Variants in NRG1 observed in about 807,000 individuals in gnomAD.
NRG1 encodes pro-neuregulin-1, membrane-bound isoform.
NRG1 carries 18 observed loss-of-function variants against 63.8 expected under a neutral mutation model. The observed-to-expected ratio is 0.28, with a 90% confidence interval of 0.19 to 0.42. NRG1 has a LOEUF of 0.42. Among genes scored for constraint, NRG1 ranks in the 10% least tolerant of loss-of-function variants. NRG1 has a pLI of 1.00. For missense variants in NRG1, 762 were observed against 814.7 expected, an observed-to-expected ratio of 0.94 and a Z score of 0.79; for synonymous variants, 302 against 301.3, an observed-to-expected ratio of 1.00 and a Z score of -0.02.
chr8:32,504,226 A>G (rs538594455), intron 1 of NRG1, among the ~76,000 whole-genome samples: 1 of 152,210 alleles, frequency 6.6e-6, no homozygotes, highest in African/African-American at 2.4e-5. Context: ...TTATTATTTT[A>G]GAGAGACAGT....
intron 1 of NRG1, among the ~76,000 whole-genome samples, chr8:31,724,941 T>C (rs934266575): frequency 1.3e-5 from 2 of 152,230 alleles, no homozygotes; most frequent in African/African-American, 4.8e-5. Flanking sequence ...TACTCAACTC[T>C]GCCATTGTAG....
chr8:31,781,657 T>C (rs970698421), intron 1 of NRG1, among the ~76,000 whole-genome samples: 2 of 152,166 alleles, frequency 1.3e-5, no homozygotes, highest in African/African-American at 4.8e-5. Context: ...AGAATAATTA[T>C]GAACATAAGC....
At position 32,676,962 on chromosome 8, in the gene NRG1, C is replaced by A. The variant is rs866680716; in HGVS notation, c.503-50987C>A. On this transcript the variant is annotated intron_variant, in intron 5 of 11. Coordinates refer to ENST00000356819, the Ensembl canonical transcript of NRG1. ...ATATTATTTAAATTAATTATTGTCTCCTTGACTCTAATGTAGGAATACATT... is the reference window on the plus strand; with the variant it reads ...ATATTATTTAAATTAATTATTGTCTACTTGACTCTAATGTAGGAATACATT... Among the ~76,000 whole-genome samples, 3 of 152,198 alleles carry A rather than the reference C, an allele frequency of 2.0e-5. No homozygotes were observed. In the Middle Eastern group the frequency reaches 0.01, roughly 518 times the overall value.
In NRG1 at chr8:31,710,583, A is replaced by C. The variant is rs574314015; in HGVS notation, c.37+71152A>C. ...TGTGAATTACACTCTCTTGAGTTAT[A>C]CAATGTTGTTTTTTGCATCATTTTG... On this transcript the variant is annotated intron_variant, in intron 1 of 10. Coordinates refer to the NRG1 transcript ENST00000519301. 1.1e-3 allele frequency among the ~76,000 whole-genome samples: 163 copies of C among 152,118 alleles called. 1 individual carries two copies. The highest frequency in any genetic ancestry group is 3.1e-3 in the South Asian group (15 of 4,820).
chr8:31,793,288 C>T (rs1820886016), intron 1 of NRG1, among the ~76,000 whole-genome samples: 1 of 152,288 alleles, frequency 6.6e-6, no homozygotes, highest in East Asian at 1.9e-4. Context: ...CTCTGCTGCA[C>T]AGTTTTAGTG....
chr8:32,487,835 C>A (rs1826088008), intron 1 of NRG1, among the ~76,000 whole-genome samples: 1 of 152,146 alleles, frequency 6.6e-6, no homozygotes, highest in Non-Finnish European at 1.5e-5. Context: ...TCCCTTTCAA[C>A]CGGAGTCAGA....
chr8:31,897,860 C>CAA lies in NRG1; in HGVS notation c.37+258438_37+258439dup, dbSNP rs3052833. Among the ~76,000 whole-genome samples the CAA allele has an allele frequency of 1.0e-3, 148 of 146,922 alleles. 1 individual carries two copies. The highest frequency in any genetic ancestry group is 3.3e-3 in the African/African-American group (131 of 40,024). ...TGAAACCCTATTTCTACTAAAAATACAAAAAAAAAATGAGCTAGGCGTGGT... is the reference window on the plus strand; with the variant it reads ...TGAAACCCTATTTCTACTAAAAATACAAAAAAAAAAAATGAGCTAGGCGTGGT... On this transcript the variant is annotated intron_variant, in intron 1 of 10. Coordinates refer to the NRG1 transcript ENST00000519301.
At chr8:32,303,183 C>CAAAAAAAAAAAAAAAAAAAAAAAAAAAA in intron 1 of NRG1, among the ~76,000 whole-genome samples, 1 of 59,704 alleles carries the variant, frequency 1.7e-5, no homozygotes, top group Non-Finnish European at 2.9e-5. Flanking sequence ...AACTCAGTCT[C>CAAAAAAAAAAAAAAAAAAAAAAAAAAAA]CAAAAAAAAA....
intron 1 of NRG1, among the ~76,000 whole-genome samples, chr8:32,366,281 C>A (rs1479904378): frequency 6.6e-6 from 1 of 152,066 alleles, no homozygotes; most frequent in Non-Finnish European, 1.5e-5. Context: ...CTATTGAATA[C>A]TAGAGCTTGT....
intron 5 of NRG1, among the ~76,000 whole-genome samples, chr8:32,708,167 C>T (rs979793603): frequency 6.6e-6 from 1 of 152,016 alleles, no homozygotes; most frequent in South Asian, 2.1e-4. Flanking sequence ...TGATGATGTT[C>T]TCAAATGTTC....
In NRG1 at chr8:32,095,423, TTTATC is replaced by T. The variant is rs556154037; in HGVS notation, c.37+455994_37+455998del. 1.8e-4 allele frequency among the ~76,000 whole-genome samples: 27 copies of T among 152,234 alleles called. No individual in the cohort carries two copies. In the South Asian group the frequency reaches 5.6e-3, roughly 32 times the overall value. On this transcript the variant is annotated intron_variant, in intron 1 of 10. Coordinates refer to the NRG1 transcript ENST00000519301. The stretch of plus-strand genomic sequence containing the variant: ...ATAAAAAATTCATCCATTTGGATAT[TTTATC>T]TACATGATATTAATTATTGAAATGA...
In NRG1 at chr8:32,415,921, G is replaced by A. The variant is rs138733209; in HGVS notation, c.38-179907G>A. Among the ~76,000 whole-genome samples the A allele has an allele frequency of 1.6e-3, 243 of 152,294 alleles. 4 individuals carry two copies. In the East Asian group the frequency reaches 0.021, roughly 13 times the overall value. On this transcript the variant is annotated intron_variant, in intron 1 of 10. Coordinates refer to the NRG1 transcript ENST00000519301. The stretch of plus-strand genomic sequence containing the variant: ...CTTACTGCTTAGTTTCATCTGTGCA[G>A]ATTGCTGTATACTCAGCCCTGCAGC...
chr8:32,536,823 C>T (rs1000118539), intron 1 of NRG1, among the ~76,000 whole-genome samples: 5 of 140,162 alleles, frequency 3.6e-5, no homozygotes, highest in African/African-American at 8.0e-5. Flanking sequence ...ACTCGGGAGG[C>T]TGAGGCAGAA....
intron 1 of NRG1, among the ~76,000 whole-genome samples, chr8:32,323,407 C>T (rs1186433748): frequency 6.6e-6 from 1 of 152,170 alleles, no homozygotes; most frequent in Non-Finnish European, 1.5e-5. Flanking sequence ...AGAAAAGAGA[C>T]TGATTTAGAG....
At position 32,074,895 on chromosome 8, in the gene NRG1, T is replaced by A. The variant is rs184641879; in HGVS notation, c.37+435464T>A. On this transcript the variant is annotated intron_variant, in intron 1 of 10. Coordinates refer to the NRG1 transcript ENST00000519301. Reference sequence around the variant, plus strand: ...TCAAGTGACCTAACAAATTTAATTTTAAAAATAGATTTGAAAGGTATATAG... The same window carrying A: ...TCAAGTGACCTAACAAATTTAATTTAAAAAATAGATTTGAAAGGTATATAG... Among the ~76,000 whole-genome samples, 428 of 152,354 alleles carry A rather than the reference T, an allele frequency of 2.8e-3. 4 individuals are homozygous for A. Among genetic ancestry groups the A allele is most frequent in the African/African-American group, 9.9e-3 (413 of 41,592 alleles).
chr8:31,976,745 T>C (rs1455608831), intron 1 of NRG1, among the ~76,000 whole-genome samples: 2 of 151,824 alleles, frequency 1.3e-5, no homozygotes, highest in African/African-American at 2.4e-5. Context: ...GAAAAGCAAA[T>C]GCTAAAGTGA....
Position 32,068,498 on chromosome 8 carries a change from A to T in NRG1, c.37+429067A>T, listed in dbSNP as rs528070439. 3.3e-4 allele frequency among the ~76,000 whole-genome samples: 51 copies of T among 152,318 alleles called. 1 individual carries two copies. In the East Asian group the frequency reaches 7.5e-3, roughly 22 times the overall value. On this transcript the variant is annotated intron_variant, in intron 1 of 10. Transcript: ENST00000519301. Reference sequence around the variant, plus strand: ...GCCACGGGGCTGTTTCTGGGCTTAAACAAGCTAGTCTTAATTAGGAGAAAA... The same window carrying T: ...GCCACGGGGCTGTTTCTGGGCTTAATCAAGCTAGTCTTAATTAGGAGAAAA...
At chr8:32,088,113 C>G (rs1828553229) in intron 1 of NRG1, among the ~76,000 whole-genome samples, 1 of 152,104 alleles carries the variant, frequency 6.6e-6, no homozygotes, top group Admixed American at 6.5e-5. Context: ...TCAATCGTAC[C>G]CCATCTGAAA....
intron 5 of NRG1, among the ~76,000 whole-genome samples, chr8:32,677,863 C>T (rs576832561): frequency 2.6e-5 from 4 of 152,082 alleles, no homozygotes; most frequent in Non-Finnish European, 5.9e-5. Context: ...CAAGAGTAAG[C>T]ACATTTCTAA....
Sources: allele counts gnomAD v4.1 joint callset (sites outside exome capture counted in the v4.1 genomes callset), GRCh38; gene constraint gnomAD v4.1.1; transcripts MANE v1.5; gene names NCBI Gene and HGNC (gene_info 2026-07-23, HGNC 2026-07-21).